The following WWTR1 variants were observed in gnomAD, a reference collection of about 807,000 sequenced individuals.
The protein encoded by WWTR1 is WW domain-containing transcription regulator protein 1.
WWTR1 carries 13 observed loss-of-function variants against 40.1 expected under a neutral mutation model. The ratio of observed to expected loss-of-function variants is 0.32; its 90% CI spans 0.21 to 0.52. The LOEUF (loss-of-function observed/expected upper bound fraction) is 0.52. Among genes scored for constraint, WWTR1 ranks in the 20% least tolerant of loss-of-function variants. WWTR1 has a pLI of 0.97. For synonymous variants in WWTR1, 230 were observed against 210.1 expected (o/e 1.09, Z -0.82); for missense variants, 436 against 523.1 (o/e 0.83, Z 1.63).
chr3:149,612,320 T>C (rs759796476), intron 2 of WWTR1, among the ~76,000 whole-genome samples: 2 of 151,180 alleles, frequency 1.3e-5, no homozygotes, highest in African/African-American at 4.9e-5. Context: ...TTTGTTACAA[T>C]GGGCATTGGG....
chr3:149,590,451 AC>A (rs1738644579), intron 2 of WWTR1, among the ~76,000 whole-genome samples: 1 of 152,148 alleles, frequency 6.6e-6, no homozygotes, highest in Non-Finnish European at 1.5e-5. Flanking sequence ...GGAGTTTCAG[AC>A]AAGCCTGGCC....
At chr3:149,537,050 G>T (rs182197359) in intron 4 of WWTR1, among the ~76,000 whole-genome samples, 10 of 152,176 alleles carry the variant, frequency 6.6e-5, no homozygotes, top group African/African-American at 2.4e-4. Flanking sequence ...CAGGCATTGA[G>T]AAGCCTGTTT....
At chr3:149,715,259 C>T (rs1715577361) in intron 5 of WWTR1, among the ~76,000 whole-genome samples, 1 of 152,192 alleles carries the variant, frequency 6.6e-6, no homozygotes, top group Non-Finnish European at 1.5e-5. Context: ...GGAGCCCAGA[C>T]CTGGGAGCTC....
chr3:149,550,776 TGC>T (rs1736585035), intron 3 of WWTR1, among the ~76,000 whole-genome samples: 1 of 113,178 alleles, frequency 8.8e-6, no homozygotes, highest in African/African-American at 3.7e-5. Context: ...CTTGAATATC[TGC>T]TGACATTTTC....
chr3:149,598,164 T>C (rs570553045), intron 2 of WWTR1, among the ~76,000 whole-genome samples: 17 of 152,312 alleles, frequency 1.1e-4, no homozygotes, highest in African/African-American at 2.9e-4. Flanking sequence ...CAATAGATCC[T>C]TCACATTACC....
chr3:149,608,521 G>A (rs914646756), intron 2 of WWTR1, among the ~76,000 whole-genome samples: 10 of 151,998 alleles, frequency 6.6e-5, no homozygotes, highest in African/African-American at 2.4e-4. Flanking sequence ...AAGTAGCTAG[G>A]ACTACAGGCA....
At chr3:149,713,883 G>C (rs929848567) in intron 5 of WWTR1, among the ~76,000 whole-genome samples, 9 of 152,182 alleles carry the variant, frequency 5.9e-5, no homozygotes, top group Admixed American at 3.9e-4. Flanking sequence ...CAGTTGGGTG[G>C]GACTTGATCC....
intron 1 of WWTR1, among the ~76,000 whole-genome samples, chr3:149,698,987 C>T (rs148581323): frequency 1.3e-5 from 2 of 152,314 alleles, no homozygotes; most frequent in Non-Finnish European, 2.9e-5. Flanking sequence ...CCTTTGAGGC[C>T]TTTTTCCCAT....
In WWTR1 at chr3:149,723,984, G is replaced by C. The variant is rs1715817123; in HGVS notation, n.459+96C>G. ...CTGAAGGGTGGTTAGCTGCTACTGT[G>C]ATTACAGCTGAAATTGATGAAAATT... On this transcript the variant is annotated intron_variant and non_coding_transcript_variant, in intron 4 of 6. Coordinates refer to the WWTR1 transcript ENST00000474080. 2.0e-5 allele frequency: 3 copies of C among 152,186 alleles called. No individual in the cohort carries two copies. The South Asian group carries it at 6.2e-4, about 32-fold the overall frequency. The allele number at this position is 152,186 out of a possible 1,614,324, so 9.4% of individuals were successfully genotyped here. A position where few individuals can be genotyped will look rare whatever the true frequency, so the allele number is the denominator to read the frequency against.
chr3:149,638,296 T>G (rs1008656491), intron 2 of WWTR1, among the ~76,000 whole-genome samples: 1 of 152,178 alleles, frequency 6.6e-6, no homozygotes, highest in Non-Finnish European at 1.5e-5. Context: ...AAGAAGCACT[T>G]TAATCGTTTA....
intron 2 of WWTR1, among the ~76,000 whole-genome samples, chr3:149,631,622 C>A (rs1484582460): frequency 6.6e-6 from 1 of 152,176 alleles, no homozygotes; most frequent in Non-Finnish European, 1.5e-5. Flanking sequence ...ATCCTCCTTG[C>A]CTATCCCACA....
At chr3:149,699,017 T>A (rs184820653) in intron 1 of WWTR1, among the ~76,000 whole-genome samples, 3 of 152,360 alleles carry the variant, frequency 2.0e-5, no homozygotes, top group Admixed American at 6.5e-5. Context: ...TGTTAGCACT[T>A]GGCTCCCATT....
At chr3:149,605,080 C>T (rs182687498) in intron 2 of WWTR1, among the ~76,000 whole-genome samples, 4 of 152,060 alleles carry the variant, frequency 2.6e-5, no homozygotes, top group Admixed American at 6.5e-5. Flanking sequence ...GTCCAGAGGC[C>T]GGAGACAGCA....
rs183972818 is a variant in WWTR1, at chr3:149,647,010, A to C, written c.431+9866T>G. On this transcript the variant is annotated intron_variant, in intron 2 of 6. Transcript: ENST00000360632. ...AAAAACAGAGGTTTATGTACAGAAG[A>C]GAAATGAACTCCAAGATATATTATA... 4.6e-5 allele frequency among the ~76,000 whole-genome samples: 7 copies of C among 152,326 alleles called. No homozygotes were observed. In the East Asian group the frequency reaches 1.3e-3, roughly 29 times the overall value.
intron 3 of WWTR1, among the ~76,000 whole-genome samples, chr3:149,560,857 A>C (rs560519865): frequency 1.1e-4 from 17 of 152,312 alleles, no homozygotes; most frequent in African/African-American, 4.1e-4. Flanking sequence ...AAACATATGG[A>C]TATACAAGCT....
At chr3:149,560,528 C>T (rs1356577917) in intron 3 of WWTR1, among the ~76,000 whole-genome samples, 1 of 152,204 alleles carries the variant, frequency 6.6e-6, no homozygotes, top group Non-Finnish European at 1.5e-5. Context: ...TTAATTCAGG[C>T]ATTACAGCAG....
chr3:149,616,633 G>A (rs977487262), intron 2 of WWTR1, among the ~76,000 whole-genome samples: 2 of 152,088 alleles, frequency 1.3e-5, no homozygotes, highest in African/African-American at 4.8e-5. Context: ...GTAGAGACAA[G>A]GTTTCTCCAT....
At chr3:149,635,545 G>C (rs969248571) in intron 2 of WWTR1, among the ~76,000 whole-genome samples, 1 of 151,890 alleles carries the variant, frequency 6.6e-6, no homozygotes, top group Non-Finnish European at 1.5e-5. Flanking sequence ...AGGAGAAAGA[G>C]AAGGAGAAGA....
At chr3:149,579,253 G>C (rs1738032188) in intron 2 of WWTR1, among the ~76,000 whole-genome samples, 1 of 152,158 alleles carries the variant, frequency 6.6e-6, no homozygotes, top group South Asian at 2.1e-4. Flanking sequence ...TCAGCAGAGT[G>C]GTTAGGACGG....
Sources: allele counts gnomAD v4.1 joint callset (sites outside exome capture counted in the v4.1 genomes callset), GRCh38; gene constraint gnomAD v4.1.1; transcripts MANE v1.5; gene names NCBI Gene and HGNC (gene_info 2026-07-23, HGNC 2026-07-21).